The following MTERF1 variants were observed in gnomAD, a reference collection of about 807,000 sequenced individuals.
MTERF1 encodes the protein transcription termination factor 1, mitochondrial.
MTERF1 carries 29 observed loss-of-function variants against 31.6 expected under a neutral mutation model. The observed-to-expected ratio is 0.92, with a 90% CI of 0.68 to 1.25. The LOEUF is 1.25. Among genes scored for constraint, MTERF1 ranks in the 50% most tolerant of loss-of-function variants. The pLI is 0.00. For synonymous variants in MTERF1, 152 were observed against 164.1 expected (o/e 0.93, Z 0.57); for missense variants, 500 against 469.1 (o/e 1.07, Z -0.61).
chr7:91,870,976 A>C lies in MTERF1; in HGVS notation c.*2618T>G, dbSNP rs1174077481. Reference sequence around the variant, plus strand: ...CTAGCAATGATATCTTGCTAGTATTACCCAGGCTGGTCTTGAACTCCTGGG... The same window carrying C: ...CTAGCAATGATATCTTGCTAGTATTCCCCAGGCTGGTCTTGAACTCCTGGG... On this transcript the variant is annotated 3_prime_UTR_variant, in exon 3 of 3. Coordinates refer to ENST00000351870, the MANE Select transcript of MTERF1 (RefSeq NM_006980.5). 7.4e-6 allele frequency: 1 copy of C among 134,304 alleles called. No homozygotes were observed. Among genetic ancestry groups the C allele is most frequent in the East Asian group, 2.1e-4 (1 of 4,686 alleles). The allele number at this position is 134,304 out of a possible 1,614,324, so 8.3% of individuals were successfully genotyped here.
In MTERF1 at chr7:91,874,343, T is replaced by G; in HGVS notation, c.451A>C (p.Thr151Pro). 1 of 1,614,164 alleles carries G rather than the reference T, an allele frequency of 6.2e-7. No individual in the cohort carries two copies. Among genetic ancestry groups the G allele is most frequent in the Non-Finnish European group, 8.5e-7 (1 of 1,180,022 alleles). The part of the protein sequence containing the change: ...KRWDLWRKIV[T>P]SDLEIVNILE... ...ATATTTACAATTTCAAGGTCTGATG[T>G]CACAATCTTTCTCCACAGATCCCAC... The change falls in exon 3 of 3, where the codon ACA (threonine) becomes CCA (proline). Residue 151 changes from threonine (T) to proline (P), a missense_variant. Physicochemically the swap from Thr to Pro is conservative, Grantham distance 38. Transcript: ENST00000351870.
Position 91,873,487 on chromosome 7 carries a change from C to T in MTERF1, c.*107G>A, listed in dbSNP as rs1789235060. 1 of 935,632 alleles carries T rather than the reference C, an allele frequency of 1.1e-6. No individual in the cohort carries two copies. 58.0% of individuals were successfully genotyped at this position (935,632 alleles called of 1,614,324 possible). A position where few individuals can be genotyped will look rare whatever the true frequency, so the allele number is the denominator to read the frequency against. On this transcript the variant is annotated 3_prime_UTR_variant, in exon 3 of 3. Transcript: ENST00000351870. ...CCAAAGTAATTCAGGATAATCTCCC[C>T]ATCTCAAGGCCCTTAATAACATTTT... is the stretch of plus-strand genomic sequence containing the variant.
Position 91,874,005 on chromosome 7 carries a change from G to C in MTERF1, c.789C>G (p.Phe263Leu). ...CCAGCAGTTCCTCACTGTTCAAATTGAAAGTTGACCGTAAGAATTCAATGT... is the reference window on the plus strand; with the variant it reads ...CCAGCAGTTCCTCACTGTTCAAATTCAAAGTTGACCGTAAGAATTCAATGT... The part of the protein sequence containing the change: ...KANIEFLRST[F>L]NLNSEELLVL... The change falls in exon 3 of 3, where the codon TTC becomes TTG. Residue 263 changes from phenylalanine (F) to leucine (L), a missense_variant. Phe to Leu is a conservative substitution (Grantham distance 22). Coordinates refer to ENST00000351870, the MANE Select transcript of MTERF1 (RefSeq NM_006980.5). The C allele has an allele frequency of 6.2e-7, 1 of 1,614,034 alleles. No homozygotes were observed.
Position 91,874,428 on chromosome 7 carries a change from A to G in MTERF1, c.366T>C (p.Ala122=). 6.2e-7 allele frequency: 1 copy of G among 1,614,130 alleles called. No individual in the cohort carries two copies. The highest frequency in any genetic ancestry group is 1.3e-5 in the African/African-American group (1 of 75,060). Residue 122 remains alanine (A), a synonymous_variant, in exon 3 of 3, where the codon GCT becomes GCC. Coordinates refer to ENST00000351870, the MANE Select transcript of MTERF1 (RefSeq NM_006980.5). ...LSKGASKEVI[A]SIISRYPRAI... ...CTCGTGGATATCTTGATATGATGCTAGCGATCACTTCTTTGCTAGCTCCTT... is the reference window on the plus strand; with the variant it reads ...CTCGTGGATATCTTGATATGATGCTGGCGATCACTTCTTTGCTAGCTCCTT...
chr7:91,876,615 C>T (rs1789353084), intron 2 of MTERF1, among the ~76,000 whole-genome samples: 1 of 152,198 alleles, frequency 6.6e-6, no homozygotes, highest in Non-Finnish European at 1.5e-5. Flanking sequence ...CTGTGGCTCA[C>T]ATAATCTACA....
At chr7:91,880,268 G>T in intron 1 of MTERF1, 155 bp from the exon 2 acceptor site, 2 of 611,430 alleles carry the variant, frequency 3.3e-6, no homozygotes, top group Non-Finnish European at 2.8e-6. Flanking sequence ...ATACAGAAAA[G>T]AAAACGGCAA....
intron 2 of MTERF1, among the ~76,000 whole-genome samples, chr7:91,875,011 G>GT (rs1300883000): frequency 6.6e-6 from 1 of 152,120 alleles, no homozygotes; most frequent in African/African-American, 2.4e-5. Context: ...TGATTGTACT[G>GT]TAAGACATAT....
chr7:91,879,204 T>C (rs1370580147), intron 2 of MTERF1, among the ~76,000 whole-genome samples: 1 of 152,062 alleles, frequency 6.6e-6, no homozygotes, highest in Non-Finnish European at 1.5e-5. Context: ...TAACATTATT[T>C]GCTATAACAA....
At chr7:91,877,088 TA>T (rs1463499186) in intron 2 of MTERF1, 1 of 202,358 alleles carries the variant, frequency 4.9e-6, no homozygotes. Context: ...TTTTATAATA[TA>T]AACAATATGA....
In MTERF1 at chr7:91,874,028, T is replaced by A; in HGVS notation, c.766A>T (p.Ile256Phe). 1 of 1,614,116 alleles carries A rather than the reference T, an allele frequency of 6.2e-7. No homozygotes were observed. The highest frequency in any genetic ancestry group is 8.5e-7 in the Non-Finnish European group (1 of 1,180,030). The change falls in exon 3 of 3, where the codon ATT (isoleucine) becomes TTT (phenylalanine). Residue 256 changes from isoleucine (I) to phenylalanine (F), a missense_variant. By Grantham distance (21) the Ile-to-Phe change is conservative. Transcript: ENST00000351870. Reference protein sequence around the residue: ...IQSTKRVKANIEFLRSTFNLN... With the variant: ...IQSTKRVKANFEFLRSTFNLN... ...TTGAAAGTTGACCGTAAGAATTCAA[T>A]GTTAGCTTTCACCCGCTTGGTGCTC... is the stretch of plus-strand genomic sequence containing the variant.
chr7:91,878,371 C>T (rs1230344983), intron 2 of MTERF1, among the ~76,000 whole-genome samples: 2 of 152,156 alleles, frequency 1.3e-5, no homozygotes, highest in South Asian at 4.1e-4. Context: ...TGTGTGGTCT[C>T]AGCTAAACTT....
chr7:91,876,613 C>T (rs561884873), intron 2 of MTERF1, among the ~76,000 whole-genome samples: 1 of 152,158 alleles, frequency 6.6e-6, no homozygotes, highest in Non-Finnish European at 1.5e-5. Context: ...TCCTGTGGCT[C>T]ACATAATCTA....
rs796513803 is a variant in MTERF1, at chr7:91,873,465, A to C, written c.*129T>G. 9.7e-6 allele frequency: 8 copies of C among 825,704 alleles called. No homozygotes were observed. In the South Asian group the frequency reaches 1.2e-4, roughly 12 times the overall value. 51.1% of individuals were successfully genotyped at this position (825,704 alleles called of 1,614,324 possible). On this transcript the variant is annotated 3_prime_UTR_variant, in exon 3 of 3. Transcript: ENST00000351870. ...CCCTACAATTATATTAGGCCCTCCAAAGTAATTCAGGATAATCTCCCCATC... is the reference window on the plus strand; with the variant it reads ...CCCTACAATTATATTAGGCCCTCCACAGTAATTCAGGATAATCTCCCCATC...
rs201314167 is a variant in MTERF1, at chr7:91,873,727, A to G, written c.1067T>C (p.Ile356Thr). Reference protein sequence around the residue: ...IENPRVLDSSISTLKSRIKEL... With the variant: ...IENPRVLDSSTSTLKSRIKEL... ...TTTGATTCGACTTTTTAAAGTACTT[A>G]TGCTTGAATCCAGAACCCGAGGATT... The change falls in exon 3 of 3, where the codon ATA (isoleucine) becomes ACA (threonine). Residue 356 changes from isoleucine (I) to threonine (T), a missense_variant. Physicochemically the swap from Ile to Thr is moderately conservative, Grantham distance 89. Coordinates refer to ENST00000351870, the MANE Select transcript of MTERF1 (RefSeq NM_006980.5). 1.2e-5 allele frequency: 20 copies of G among 1,614,032 alleles called. No homozygotes were observed. The highest frequency in any genetic ancestry group is 1.6e-5 in the Non-Finnish European group (19 of 1,180,018).
In MTERF1 at chr7:91,873,625, G is replaced by T. The variant is rs745726879; in HGVS notation, c.1169C>A (p.Ala390Asp). Residue 390 changes from alanine (A) to aspartate (D), a missense_variant, in exon 3 of 3, where the codon GCT (alanine) becomes GAT (aspartate). Physicochemically the swap from Ala to Asp is moderately radical, Grantham distance 126 (BLOSUM62 -2). Transcript: ENST00000351870. ...LLSWSKKRYE[A>D]KLKKLSRFA ...AAATCTGCTTAACTTTTTCAATTTA[G>T]CTTCATATCTTTTTTTACTCCAAGA... 2 of 1,607,122 alleles carry T rather than the reference G, an allele frequency of 1.2e-6. No individual in the cohort carries two copies. The highest frequency in any genetic ancestry group is 1.7e-6 in the Non-Finnish European group (2 of 1,177,722).
Position 91,872,431 on chromosome 7 carries a change from C to G in MTERF1, c.*1163G>C, listed in dbSNP as rs1789200218. The G allele has an allele frequency of 6.6e-6, 1 of 152,116 alleles. No homozygotes were observed. Among genetic ancestry groups the G allele is most frequent in the Non-Finnish European group, 1.5e-5 (1 of 68,018 alleles). The allele number at this position is 152,116 out of a possible 1,614,324, so 9.4% of individuals were successfully genotyped here. A position where few individuals can be genotyped will look rare whatever the true frequency, so the allele number is the denominator to read the frequency against. ...GTTTAGTAAATTTAAAACATTAACA[C>G]AAGTTACTCAGGAATGGTGCCCAGA... On this transcript the variant is annotated 3_prime_UTR_variant, in exon 3 of 3. Coordinates refer to ENST00000351870, the MANE Select transcript of MTERF1 (RefSeq NM_006980.5).
chr7:91,879,627 T>A (rs1442799343), intron 2 of MTERF1, among the ~76,000 whole-genome samples: 1 of 149,838 alleles, frequency 6.7e-6, no homozygotes, highest in African/African-American at 2.5e-5. Context: ...AAAGTCACAC[T>A]TCAAAATTCT....
chr7:91,873,892 A>G lies in MTERF1; in HGVS notation c.902T>C (p.Phe301Ser). 1.2e-6 allele frequency: 2 copies of G among 1,614,070 alleles called. No individual in the cohort carries two copies. The highest frequency in any genetic ancestry group is 1.7e-6 in the Non-Finnish European group (2 of 1,180,028). ...CTCTTCTTCAGTACATCCAAGAGAA[A>G]ACAGCTTCTCTTTGATGTTTGCGTA... ...RSYANIKEKL[F>S]SLGCTEEEVQ... Residue 301 changes from phenylalanine (F) to serine (S), a missense_variant, in exon 3 of 3, where the codon TTT becomes TCT. Physicochemically the swap from Phe to Ser is radical, Grantham distance 155 (BLOSUM62 -2). Transcript: ENST00000351870.
rs1789464494 is a variant in MTERF1, at chr7:91,880,052, C to A, written c.29+3G>T. ...TTTGGAGATCTTTACATGCATTTCT[C>A]ACCTTGTTTGTCCTAAGGAAAGGCT... is the stretch of plus-strand genomic sequence containing the variant. On this transcript the variant is annotated splice_donor_region_variant and intron_variant, in intron 2 of 2. Coordinates refer to ENST00000351870, the MANE Select transcript of MTERF1 (RefSeq NM_006980.5). The A allele has an allele frequency of 6.2e-7, 1 of 1,613,900 alleles. No individual in the cohort carries two copies. The highest frequency in any genetic ancestry group is 8.5e-7 in the Non-Finnish European group (1 of 1,180,006).
Sources: gnomAD v4.1 joint callset for allele counts (sites outside exome capture counted in the v4.1 genomes callset) on GRCh38, gnomAD v4.1.1 for gene constraint, MANE v1.5 for transcripts, NCBI Gene and HGNC (gene_info 2026-07-23, HGNC 2026-07-21) for gene names.